WASF2: variants seen among roughly 807,000 people sequenced by gnomAD.
WASF2 encodes actin-binding protein WASF2.
In WASF2, 14 loss-of-function variants were observed where a neutral mutation model predicts 45.0. The ratio of observed to expected loss-of-function variants is 0.31; its 90% CI spans 0.21 to 0.49. WASF2 has a LOEUF of 0.49. Ranked by LOEUF, WASF2 falls within the 20% of genes least tolerant of loss-of-function variation. WASF2 has a pLI of 0.99. For synonymous variants in WASF2, 200 were observed against 236.3 expected, an observed-to-expected ratio of 0.85 and a Z score of 1.41; for missense variants, 439 against 636.1, an observed-to-expected ratio of 0.69 and a Z score of 3.33.
At chr1:27,452,595 T>A (rs1042962899) in intron 1 of WASF2, among the ~76,000 whole-genome samples, 1 of 151,216 alleles carries the variant, frequency 6.6e-6, no homozygotes, top group Non-Finnish European at 1.5e-5. Context: ...GGTGGGTGGA[T>A]CACCTGAGGT....
chr1:27,477,907 A>T lies in WASF2; in HGVS notation c.-44+12079T>A, dbSNP rs561432859. Among the ~76,000 whole-genome samples the T allele has an allele frequency of 1.9e-3, 274 of 146,364 alleles. 30 individuals are homozygous for T. Among genetic ancestry groups the T allele is most frequent in the East Asian group, 5.3e-3 (27 of 5,088 alleles). ...GAGCGAGACTCCGTCTCAAAAAAAA[A>T]AAATAAATAAATAAAAAAAAAAATA... On this transcript the variant is annotated intron_variant, in intron 1 of 8. Coordinates refer to ENST00000618852, the MANE Select transcript of WASF2 (RefSeq NM_006990.5).
intron 1 of WASF2, among the ~76,000 whole-genome samples, chr1:27,454,169 ATATATATATATATATATATT>A (rs2017428849): frequency 3.4e-4 from 13 of 38,242 alleles, no homozygotes; most frequent in East Asian, 1.4e-3. Flanking sequence ...ATATATATAT[ATATATATATATATATATATT>A]TTTTTTTTTT....
Position 27,407,906 on chromosome 1 carries a change from G to A in WASF2, c.*283C>T, listed in dbSNP as rs1389230764. Reference sequence around the variant, plus strand: ...AACCCGATCAAAGGAATCTGCTTTGGGATTTCTCCTTCCTTTCAATATGCA... The same window carrying A: ...AACCCGATCAAAGGAATCTGCTTTGAGATTTCTCCTTCCTTTCAATATGCA... On this transcript the variant is annotated 3_prime_UTR_variant, in exon 9 of 9. Coordinates refer to ENST00000618852, the MANE Select transcript of WASF2 (RefSeq NM_006990.5). 6.2e-6 allele frequency: 2 copies of A among 324,154 alleles called. No individual in the cohort carries two copies. Among genetic ancestry groups the A allele is most frequent in the Admixed American group, 4.8e-5 (1 of 20,980 alleles). 20.1% of individuals were successfully genotyped at this position (324,154 alleles called of 1,614,324 possible).
At position 27,418,995 on chromosome 1, in the gene WASF2, A is replaced by G. The variant is rs1190836862; in HGVS notation, c.224T>C (p.Leu75Pro). ...ATCCAGCTGAGTGACTTTAACCTGT[A>G]GTCGGTCGACCCTCTCAGCAAGGGA... ...VSSLAERVDRLQVKVTQLDPK... is the reference protein window; with the variant it reads ...VSSLAERVDRPQVKVTQLDPK... Residue 75 changes from leucine (L) to proline (P), a missense_variant, in exon 3 of 9, where the codon CTA becomes CCA. By Grantham distance (98) the Leu-to-Pro change is moderately conservative. Transcript: ENST00000618852. The G allele has an allele frequency of 1.2e-6, 2 of 1,613,984 alleles. No homozygotes were observed. The highest frequency in any genetic ancestry group is 1.7e-6 in the Non-Finnish European group (2 of 1,180,022).
At chr1:27,423,338 C>T (rs138293086) in intron 2 of WASF2, among the ~76,000 whole-genome samples, 148 of 151,970 alleles carry the variant, frequency 9.7e-4, no homozygotes, top group African/African-American at 3.3e-3. Context: ...GAAATACAGG[C>T]GCAGGCCCAG....
intron 4 of WASF2, among the ~76,000 whole-genome samples, chr1:27,417,255 C>A (rs1445629222): frequency 6.6e-6 from 1 of 152,158 alleles, no homozygotes; most frequent in African/African-American, 2.4e-5. Context: ...CCCTTTCTGC[C>A]CCACAACCCC....
At chr1:27,425,440 C>T (rs1001889086) in intron 2 of WASF2, among the ~76,000 whole-genome samples, 6 of 152,172 alleles carry the variant, frequency 3.9e-5, no homozygotes, top group Non-Finnish European at 8.8e-5. Context: ...TGGTGGATCA[C>T]GCCTGTAATC....
At chr1:27,426,181 T>C (rs2016978373) in intron 2 of WASF2, among the ~76,000 whole-genome samples, 1 of 152,230 alleles carries the variant, frequency 6.6e-6, no homozygotes, top group Admixed American at 6.5e-5. Context: ...ATGTGTACTC[T>C]GACTATAAAA....
At chr1:27,478,429 A>C (rs2017800935) in intron 1 of WASF2, among the ~76,000 whole-genome samples, 1 of 152,218 alleles carries the variant, frequency 6.6e-6, no homozygotes, top group South Asian at 2.1e-4. Flanking sequence ...AGAAAAAGTC[A>C]GACACAAAAG....
At chr1:27,454,178 TATA>T (rs2017431553) in intron 1 of WASF2, among the ~76,000 whole-genome samples, 2 of 9,236 alleles carry the variant, frequency 2.2e-4, no homozygotes, top group Admixed American at 1.5e-3. Context: ...TATATATATA[TATA>T]TATATATTTT....
chr1:27,409,428 C>CAAAAAAAAAAAAA (rs60940665), intron 8 of WASF2, among the ~76,000 whole-genome samples: 24 of 43,686 alleles, frequency 5.5e-4, no homozygotes, highest in African/African-American at 1.1e-3. Context: ...CTGTCCCCCA[C>CAAAAAAAAAAAAA]AAAAAAAAAA....
rs369291565 is a variant in WASF2 at position 27,450,090 on chromosome 1, G to C, written c.-43-21157C>G. Among the ~76,000 whole-genome samples, 119 of 152,128 alleles carry C rather than the reference G, an allele frequency of 7.8e-4. 1 individual carries two copies. In the South Asian group the frequency reaches 0.024, roughly 31 times the overall value. ...ATCCGGGAAGCAGAGGTTGCGGTGA[G>C]TGGAGATCACGCCATTGCACTCCAG... On this transcript the variant is annotated intron_variant, in intron 1 of 8. Transcript: ENST00000618852.
At chr1:27,419,219 T>A in intron 2 of WASF2, 131 bp from the exon 3 acceptor site, 2 of 946,656 alleles carry the variant, frequency 2.1e-6, no homozygotes, top group Non-Finnish European at 3.2e-6. Flanking sequence ...CTAAGACGGT[T>A]TGGGCTATAT....
intron 7 of WASF2, 52 bp downstream of exon 7, chr1:27,412,520 G>A (rs1020144688): frequency 5.0e-6 from 8 of 1,606,994 alleles, no homozygotes; most frequent in Admixed American, 3.3e-5. Flanking sequence ...CCATTCTTTT[G>A]TTCTCAAGTG....
At chr1:27,424,535 T>TG (rs2016950940) in intron 2 of WASF2, among the ~76,000 whole-genome samples, 2 of 151,824 alleles carry the variant, frequency 1.3e-5, no homozygotes, top group South Asian at 4.2e-4. Flanking sequence ...CAACAATTTT[T>TG]TTTTTTTGGT....
At chr1:27,417,671 C>T (rs2016845150) in intron 4 of WASF2, among the ~76,000 whole-genome samples, 1 of 152,214 alleles carries the variant, frequency 6.6e-6, no homozygotes, top group South Asian at 2.1e-4. Flanking sequence ...AGGCTACCTT[C>T]TTTTTCAAGT....
At chr1:27,411,067 AGGAAGTGATTTG>A (rs879618268) in intron 7 of WASF2, among the ~76,000 whole-genome samples, 108 of 152,344 alleles carry the variant, frequency 7.1e-4, no homozygotes, top group Non-Finnish European at 8.8e-4. Context: ...GGCCACCAGC[AGGAAGTGATTTG>A]GGAAGCAGAA....
intron 1 of WASF2, among the ~76,000 whole-genome samples, chr1:27,431,081 C>A (rs1285557727): frequency 6.6e-6 from 1 of 152,186 alleles, no homozygotes; most frequent in Non-Finnish European, 1.5e-5. Context: ...GATTTCCTGT[C>A]ACCAACAGCA....
intron 2 of WASF2, among the ~76,000 whole-genome samples, chr1:27,420,398 G>A (rs1371069770): frequency 6.6e-6 from 1 of 151,878 alleles, no homozygotes; most frequent in Non-Finnish European, 1.5e-5. Context: ...AGGAGAATTT[G>A]CAGCCAAAGA....
Sources: allele counts gnomAD v4.1 joint callset (sites outside exome capture counted in the v4.1 genomes callset), GRCh38; gene constraint gnomAD v4.1.1; transcripts MANE v1.5; gene names NCBI Gene and HGNC (gene_info 2026-07-23, HGNC 2026-07-21).